The following CLIP1 variants were observed in gnomAD, a reference collection of about 807,000 sequenced individuals.
The protein encoded by CLIP1 is CAP-Gly domain containing linker protein 1.
In CLIP1, 66 loss-of-function variants were observed where a neutral mutation model predicts 161.6. That is an observed-to-expected ratio of 0.41 (90% confidence interval 0.33 to 0.50). CLIP1 has a LOEUF of 0.50. Ranked by LOEUF, CLIP1 falls within the 20% of genes least tolerant of loss-of-function variation. CLIP1 has a pLI of 0.27. For missense variants in CLIP1, 1,376 were observed against 1,702.0 expected, an observed-to-expected ratio of 0.81 and a Z score of 3.37; for synonymous variants, 598 against 626.2, an observed-to-expected ratio of 0.96 and a Z score of 0.67.
chr12:122,378,777 T>C (rs1453154569), intron 2 of CLIP1, among the ~76,000 whole-genome samples: 1 of 152,028 alleles, frequency 6.6e-6, no homozygotes, highest in African/African-American at 2.4e-5. Context: ...GGTGGATCAT[T>C]TGAGGTCTGG....
intron 3 of CLIP1, among the ~76,000 whole-genome samples, chr12:122,373,980 G>A (rs1313650305): frequency 1.3e-5 from 2 of 152,062 alleles, no homozygotes; most frequent in Non-Finnish European, 2.9e-5. Flanking sequence ...TCAAACACAA[G>A]CAAAACAAAT....
chr12:122,402,431 G>T (rs1456936924), intron 1 of CLIP1, among the ~76,000 whole-genome samples: 3 of 152,136 alleles, frequency 2.0e-5, no homozygotes, highest in African/African-American at 7.2e-5. Flanking sequence ...GTTAGAAGCT[G>T]CAGAGAGCTC....
In CLIP1 at chr12:122,272,603, A is replaced by G. The variant is rs565523273; in HGVS notation, c.*272T>C. 1.0e-5 allele frequency: 4 copies of G among 396,926 alleles called. No individual in the cohort carries two copies. Among genetic ancestry groups the G allele is most frequent in the South Asian group, 7.0e-5 (2 of 28,776 alleles). 24.6% of individuals were successfully genotyped at this position (396,926 alleles called of 1,614,324 possible). On this transcript the variant is annotated 3_prime_UTR_variant, in exon 26 of 26. Coordinates refer to ENST00000620786, the MANE Select transcript of CLIP1 (RefSeq NM_001247997.2). ...GTTTTTCTACAAGGTCGGGGGGCCA[A>G]TAAATGTAATGGCATCTGGTGCAAT...
At chr12:122,388,892 G>A (rs1374483020) in intron 1 of CLIP1, among the ~76,000 whole-genome samples, 1 of 152,136 alleles carries the variant, frequency 6.6e-6, no homozygotes, top group Non-Finnish European at 1.5e-5. Flanking sequence ...TAAAGTTTGA[G>A]AACCACTGCT....
At chr12:122,316,260 G>A (rs779478118) in intron 19 of CLIP1, among the ~76,000 whole-genome samples, 1 of 151,550 alleles carries the variant, frequency 6.6e-6, no homozygotes, top group African/African-American at 2.4e-5. Flanking sequence ...ACCCAGGCTG[G>A]AGTGCAGTGG....
At chr12:122,369,447 A>G (rs767594106) in intron 3 of CLIP1, among the ~76,000 whole-genome samples, 5 of 150,210 alleles carry the variant, frequency 3.3e-5, no homozygotes, top group Non-Finnish European at 7.4e-5. Flanking sequence ...GCCCTACTTT[A>G]CTCTCTCCTT....
chr12:122,346,826 A>G (rs1952775280), intron 10 of CLIP1, among the ~76,000 whole-genome samples: 1 of 152,166 alleles, frequency 6.6e-6, no homozygotes, highest in Non-Finnish European at 1.5e-5. Flanking sequence ...CAATCCCCCG[A>G]GCGACAGGAA....
At chr12:122,406,558 CACACAATAAG>C (rs1174285382) in intron 1 of CLIP1, among the ~76,000 whole-genome samples, 1 of 152,126 alleles carries the variant, frequency 6.6e-6, no homozygotes, top group East Asian at 1.9e-4. Flanking sequence ...TTGAGAATAT[CACACAATAAG>C]ACACTGACAG....
intron 5 of CLIP1, among the ~76,000 whole-genome samples, chr12:122,358,104 T>C (rs562832658): frequency 2.0e-5 from 3 of 152,296 alleles, no homozygotes; most frequent in South Asian, 2.1e-4. Context: ...AGAAAAATTC[T>C]TCTGCCTTGG....
intron 1 of CLIP1, among the ~76,000 whole-genome samples, chr12:122,405,267 A>G (rs1956286252): frequency 6.6e-6 from 1 of 152,108 alleles, no homozygotes; most frequent in Non-Finnish European, 1.5e-5. Context: ...TTCACAAGGG[A>G]CGCGTTCTCG....
At chr12:122,406,785 G>GT (rs1236752308) in intron 1 of CLIP1, among the ~76,000 whole-genome samples, 2 of 151,858 alleles carry the variant, frequency 1.3e-5, no homozygotes, top group Non-Finnish European at 2.9e-5. Flanking sequence ...ATAAGACAAT[G>GT]TTTTTTTTAG....
intron 21 of CLIP1, chr12:122,280,499 C>A (rs1412916285): frequency 1.3e-5 from 2 of 152,190 alleles, no homozygotes; most frequent in South Asian, 4.1e-4. Flanking sequence ...AAGGCGGGAT[C>A]CTAGTTTGGA....
In CLIP1 at chr12:122,364,975, T is replaced by G. The variant is rs1954060501; in HGVS notation, c.658-868A>C. 6 of 423,558 alleles carry G rather than the reference T, an allele frequency of 1.4e-5. No individual in the cohort carries two copies. The East Asian group carries it at 3.1e-4, about 22-fold the overall frequency. 26.2% of individuals were successfully genotyped at this position (423,558 alleles called of 1,614,324 possible). A position where few individuals can be genotyped will look rare whatever the true frequency, so the allele number is the denominator to read the frequency against. On this transcript the variant is annotated intron_variant, in intron 3 of 25. Transcript: ENST00000620786. The stretch of plus-strand genomic sequence containing the variant: ...TTGGGAATCATCATTCTCAGTAAAC[T>G]ATCGCAAGGACAAAAAACCAAACAC...
At chr12:122,278,737 G>C in intron 23 of CLIP1, 55 bp downstream of exon 23, 1 of 1,505,358 alleles carries the variant, frequency 6.6e-7, no homozygotes, top group South Asian at 1.4e-5. Flanking sequence ...TACTAGAAAG[G>C]GCTCCTCGGG....
chr12:122,406,929 CA>C (rs199764714), intron 1 of CLIP1, among the ~76,000 whole-genome samples: 3,364 of 95,500 alleles, frequency 0.035, 73 homozygotes, highest in East Asian at 0.16. Flanking sequence ...CCTCCATCTG[CA>C]AAAAAAAAAA....
chr12:122,321,738 C>T (rs1262075746), intron 17 of CLIP1, among the ~76,000 whole-genome samples: 1 of 152,164 alleles, frequency 6.6e-6, no homozygotes, highest in Admixed American at 6.5e-5. Context: ...AGGCTGGTCT[C>T]GAACTCCTAG....
intron 11 of CLIP1, 77 bp from the exon 12 acceptor site, chr12:122,336,825 C>T (rs1952247471): frequency 3.3e-6 from 2 of 614,128 alleles, no homozygotes; most frequent in Non-Finnish European, 5.3e-6. Flanking sequence ...AAAAAATAAA[C>T]AAATGTAAAA....
intron 5 of CLIP1, among the ~76,000 whole-genome samples, chr12:122,357,575 C>A (rs1173598650): frequency 7.2e-6 from 1 of 139,712 alleles, no homozygotes; most frequent in African/African-American, 3.0e-5. Flanking sequence ...TCAGCCCCCC[C>A]CGCCCGGCCA....
In CLIP1 at chr12:122,309,824, C is replaced by T. The variant is rs749195892; in HGVS notation, c.3532G>A (p.Glu1178Lys). ...AGCTCCTCAGCAAGTTTAACGTTCT[C>T]TTCTTGCAACGCTGAAAGCTGCTGG... ...KSQQLSALQE[E>K]NVKLAEELGR... Residue 1178 changes from glutamate to lysine, a missense_variant, in exon 20 of 26, where the codon GAG becomes AAG. Around this residue, in one of 6 missense-constraint regions of CLIP1, gnomAD observed 948 missense variants for 1,134.8 expected, o/e 0.84. Coordinates refer to ENST00000620786, the MANE Select transcript of CLIP1 (RefSeq NM_001247997.2). 14 of 1,613,856 alleles carry T rather than the reference C, an allele frequency of 8.7e-6. No individual in the cohort carries two copies. The highest frequency in any genetic ancestry group is 1.2e-5 in the Non-Finnish European group (14 of 1,180,030).
Sources: allele counts gnomAD v4.1 joint callset (sites outside exome capture counted in the v4.1 genomes callset), GRCh38; gene constraint gnomAD v4.1.1; regional missense constraint gnomAD v4.1.1; transcripts MANE v1.5; gene names NCBI Gene and HGNC (gene_info 2026-07-23, HGNC 2026-07-21).